SCML4: variants seen among roughly 807,000 people sequenced by gnomAD.
SCML4 encodes sex comb on midleg-like protein 4.
In SCML4, 34 loss-of-function variants were observed where a neutral mutation model predicts 41.1. The ratio of observed to expected loss-of-function variants is 0.83; its 90% CI spans 0.63 to 1.10. The LOEUF is 1.10. Among genes scored for constraint, SCML4 ranks in the 50% least tolerant of loss-of-function variants. The pLI, the probability that SCML4 is intolerant of heterozygous loss-of-function variation, is 0.00. For synonymous variants in SCML4, 214 were observed against 220.9 expected (o/e 0.97, Z 0.28); for missense variants, 522 against 534.1 (o/e 0.98, Z 0.22).
chr6:107,719,930 T>C (rs1322843183), intron 6 of SCML4: 1 of 985,310 alleles, frequency 1.0e-6, no homozygotes, highest in East Asian at 1.1e-4. Context: ...AAAACATCAA[T>C]CAGAAGGGCC....
chr6:107,705,117 G>T lies in SCML4; in HGVS notation c.*83C>A. The T allele has an allele frequency of 1.6e-6, 2 of 1,231,090 alleles. No homozygotes were observed. The highest frequency in any genetic ancestry group is 1.2e-6 in the Non-Finnish European group (1 of 856,992). The allele number at this position is 1,231,090 out of a possible 1,614,324, so 76.3% of individuals were successfully genotyped here. ...TAATTTTAAGAGGAGAGTCTAGTTT[G>T]TGATGTTGGCGGGATATTGGTAAGG... On this transcript the variant is annotated 3_prime_UTR_variant, in exon 8 of 8. Transcript: ENST00000369020.
intron 1 of SCML4, among the ~76,000 whole-genome samples, chr6:107,810,628 T>A (rs1380605631): frequency 6.6e-6 from 1 of 152,164 alleles, no homozygotes; most frequent in African/African-American, 2.4e-5. Flanking sequence ...CTGTAGATGT[T>A]TGGTAAGTAA....
At chr6:107,830,816 T>C in the SCML4 span, among the ~76,000 whole-genome samples, 2,583 of 152,328 alleles carry the variant, frequency 0.017, 71 homozygotes, top group African/African-American at 0.055. Context: ...ATGTCATCTC[T>C]TTGTGATCGC....
intron 1 of SCML4, among the ~76,000 whole-genome samples, chr6:107,821,243 C>T (rs1341562208): frequency 6.6e-6 from 1 of 151,858 alleles, no homozygotes; most frequent in Non-Finnish European, 1.5e-5. Context: ...ATATCTGTAC[C>T]AAGCCGTTTA....
chr6:107,728,328 C>T (rs529494890), intron 5 of SCML4, among the ~76,000 whole-genome samples: 3 of 152,090 alleles, frequency 2.0e-5, no homozygotes, highest in East Asian at 1.9e-4. Flanking sequence ...CTGTTGACAG[C>T]GGCCAGGCAC....
chr6:107,808,810 C>A (rs932282038), intron 1 of SCML4, among the ~76,000 whole-genome samples: 1 of 151,988 alleles, frequency 6.6e-6, no homozygotes, highest in Non-Finnish European at 1.5e-5. Context: ...GGGATGTGTA[C>A]TCAAGAATAT....
chr6:107,713,605 T>G (rs1183126244), intron 6 of SCML4, among the ~76,000 whole-genome samples: 1 of 152,258 alleles, frequency 6.6e-6, no homozygotes, highest in African/African-American at 2.4e-5. Context: ...CTTAAGAATA[T>G]TTTAAGAATC....
chr6:107,780,707 CAAT>C (rs948379050), intron 1 of SCML4, among the ~76,000 whole-genome samples: 3 of 148,062 alleles, frequency 2.0e-5, no homozygotes. Context: ...GCCCAGTCTC[CAAT>C]AATAATAATA....
At chr6:107,740,004 T>G (rs1464121512) in intron 5 of SCML4, 2 of 398,288 alleles carry the variant, frequency 5.0e-6, no homozygotes, top group African/African-American at 4.2e-5. Flanking sequence ...GTTGGATAAT[T>G]TAGAGCAATT....
intron 1 of SCML4, among the ~76,000 whole-genome samples, chr6:107,772,653 T>A (rs1780614506): frequency 6.6e-6 from 1 of 152,156 alleles, no homozygotes; most frequent in African/African-American, 2.4e-5. Context: ...AAACAATAGT[T>A]TCCCAGCTCC....
At chr6:107,722,456 C>A (rs1775527334) in intron 5 of SCML4, among the ~76,000 whole-genome samples, 2 of 152,062 alleles carry the variant, frequency 1.3e-5, no homozygotes, top group Non-Finnish European at 2.9e-5. Flanking sequence ...TCATGTCTAC[C>A]TGTCCCCAGC....
At chr6:107,719,912 G>T in intron 6 of SCML4, 1 of 985,378 alleles carries the variant, frequency 1.0e-6, no homozygotes, top group Non-Finnish European at 1.2e-6. Flanking sequence ...GCTTGAAAAT[G>T]ATTTTTTAAA....
intron 2 of SCML4, among the ~76,000 whole-genome samples, chr6:107,751,380 T>C (rs76435718): frequency 0.034 from 5,130 of 152,042 alleles, 300 homozygotes; most frequent in African/African-American, 0.12. Context: ...GCAATGTCGA[T>C]ATCAAGCCCC....
At chr6:107,828,217 A>G (rs2114332084), upstream of SCML4, among the ~76,000 whole-genome samples, 1 of 152,290 alleles carries the variant, frequency 6.6e-6, no homozygotes, top group Middle Eastern at 3.4e-3. Flanking sequence ...ACTCTAATTA[A>G]TCATTCCACC....
At chr6:107,811,725 C>G (rs1043640037) in intron 1 of SCML4, among the ~76,000 whole-genome samples, 1 of 152,146 alleles carries the variant, frequency 6.6e-6, no homozygotes, top group African/African-American at 2.4e-5. Flanking sequence ...TTCTTCTGCT[C>G]CTGGGGGCAG....
intron 6 of SCML4, among the ~76,000 whole-genome samples, chr6:107,713,492 C>G (rs759741130): frequency 1.1e-4 from 16 of 152,240 alleles, no homozygotes; most frequent in Non-Finnish European, 2.1e-4. Flanking sequence ...GCAAAACACA[C>G]CGAGTGCAGC....
At chr6:107,755,780 A>C (rs1435943356) in intron 2 of SCML4, 1 of 311,344 alleles carries the variant, frequency 3.2e-6, no homozygotes, top group Non-Finnish European at 5.7e-6. Flanking sequence ...AACTCCTTGC[A>C]GACATGGCTG....
intron 6 of SCML4, among the ~76,000 whole-genome samples, chr6:107,709,523 G>T (rs1001576218): frequency 2.0e-5 from 3 of 152,152 alleles, no homozygotes; most frequent in Non-Finnish European, 2.9e-5. Context: ...GGGTACACTT[G>T]TTGTGACCGA....
At chr6:107,753,504 A>T (rs1778860557) in intron 2 of SCML4, among the ~76,000 whole-genome samples, 1 of 152,178 alleles carries the variant, frequency 6.6e-6, no homozygotes, top group Non-Finnish European at 1.5e-5. Flanking sequence ...GTGGGTAGAG[A>T]GTTTGAATTT....
Sources: gnomAD v4.1 joint callset for allele counts (sites outside exome capture counted in the v4.1 genomes callset) on GRCh38, gnomAD v4.1.1 for gene constraint, MANE v1.5 for transcripts, NCBI Gene and HGNC (gene_info 2026-07-23, HGNC 2026-07-21) for gene names.